Variants in ZFAT observed in about 807,000 individuals in gnomAD.
ZFAT encodes the protein zinc finger and AT-hook domain containing.
ZFAT carries 64 observed loss-of-function variants against 117.7 expected under a neutral mutation model. That is an observed-to-expected ratio of 0.54 (90% CI 0.44 to 0.67). The LOEUF (loss-of-function observed/expected upper bound fraction) is 0.67. ZFAT is among the 30% of genes least tolerant of loss of function. ZFAT has a pLI of 0.00. For missense variants in ZFAT, 1,433 were observed against 1,584.5 expected (o/e 0.90, Z 1.62); for synonymous variants, 679 against 615.0 (o/e 1.10, Z -1.54).
chr8:134,819,381 T>G, the ZFAT span, among the ~76,000 whole-genome samples: 1 of 152,072 alleles, frequency 6.6e-6, no homozygotes, highest in South Asian at 2.1e-4. Context: ...GTAATCACTT[T>G]TAATTCATGT....
chr8:134,705,729 G>C (rs2131364323), intron 1 of ZFAT, among the ~76,000 whole-genome samples: 1 of 151,316 alleles, frequency 6.6e-6, no homozygotes, highest in African/African-American at 2.4e-5. Flanking sequence ...AGTAGAGACA[G>C]GGTTTCACCA....
chr8:134,713,942 T>C (rs552169743), upstream of ZFAT, among the ~76,000 whole-genome samples: 16 of 152,282 alleles, frequency 1.1e-4, no homozygotes, highest in South Asian at 6.2e-4. Flanking sequence ...CTGACAGTTA[T>C]TTATTTCATG....
chr8:134,666,410 T>C (rs1832220906), intron 1 of ZFAT, among the ~76,000 whole-genome samples: 1 of 152,210 alleles, frequency 6.6e-6, no homozygotes, highest in Admixed American at 6.5e-5. Flanking sequence ...TTAAAAATCA[T>C]TCCTCGTGAT....
At chr8:134,802,894 T>C in the ZFAT span, among the ~76,000 whole-genome samples, 1 of 152,182 alleles carries the variant, frequency 6.6e-6, no homozygotes, top group Admixed American at 6.5e-5. Flanking sequence ...TTGCTAACCT[T>C]ATAGGCCAAT....
chr8:134,678,187 A>T (rs1026707566), intron 1 of ZFAT, among the ~76,000 whole-genome samples: 5 of 152,182 alleles, frequency 3.3e-5, no homozygotes, highest in Non-Finnish European at 5.9e-5. Context: ...ATGATTGTAT[A>T]TTTATAACCC....
intron 3 of ZFAT, among the ~76,000 whole-genome samples, chr8:134,631,438 C>T (rs985518109): frequency 6.6e-6 from 1 of 152,194 alleles, no homozygotes; most frequent in Non-Finnish European, 1.5e-5. Flanking sequence ...TCGGGAGACA[C>T]GGGCCCCAAC....
intron 1 of ZFAT, among the ~76,000 whole-genome samples, chr8:134,683,142 C>G (rs1833150458): frequency 6.6e-6 from 1 of 152,160 alleles, no homozygotes; most frequent in East Asian, 1.9e-4. Context: ...GTGAAATGAG[C>G]CCCCTTAGAA....
chr8:134,663,196 A>T (rs542619238), intron 1 of ZFAT, among the ~76,000 whole-genome samples: 1 of 152,362 alleles, frequency 6.6e-6, no homozygotes, highest in South Asian at 2.1e-4. Context: ...TCCCAGAAGC[A>T]ACCGAAGTGC....
chr8:134,586,702 C>T (rs1826092137), intron 9 of ZFAT, among the ~76,000 whole-genome samples: 1 of 152,218 alleles, frequency 6.6e-6, no homozygotes, highest in Admixed American at 6.5e-5. Flanking sequence ...AGAAACAACA[C>T]GTGTATATAC....
At chr8:134,783,053 G>A in the ZFAT span, among the ~76,000 whole-genome samples, 1 of 151,646 alleles carries the variant, frequency 6.6e-6, no homozygotes, top group East Asian at 1.9e-4. Context: ...TTTTCTTAAT[G>A]CATATACATC....
At chr8:134,573,239 T>G (rs989475262) in intron 10 of ZFAT, among the ~76,000 whole-genome samples, 2 of 152,110 alleles carry the variant, frequency 1.3e-5, no homozygotes, top group Non-Finnish European at 2.9e-5. Flanking sequence ...CATGTGTGCG[T>G]GTATGTGTGC....
chr8:134,558,979 A>C (rs1161233023), intron 11 of ZFAT, among the ~76,000 whole-genome samples: 1 of 152,220 alleles, frequency 6.6e-6, no homozygotes, highest in African/African-American at 2.4e-5. Context: ...GCCAAACAGA[A>C]TCTCAATGAA....
At chr8:134,819,944 A>G in the ZFAT span, among the ~76,000 whole-genome samples, 10 of 152,220 alleles carry the variant, frequency 6.6e-5, no homozygotes, top group Non-Finnish European at 7.3e-5. Context: ...AGTGAGAAGC[A>G]CACATAGACA....
intron 10 of ZFAT, among the ~76,000 whole-genome samples, chr8:134,567,936 C>G (rs571234882): frequency 2.0e-5 from 3 of 152,216 alleles, no homozygotes; most frequent in Non-Finnish European, 4.4e-5. Context: ...CATAGGCCCC[C>G]TACACACTGT....
rs774274181 is a variant in ZFAT at position 134,509,641 on chromosome 8, C to T, written c.3470G>A (p.Gly1157Glu). The T allele has an allele frequency of 6.2e-7, 1 of 1,612,580 alleles. No individual in the cohort carries two copies. Among genetic ancestry groups the T allele is most frequent in the Non-Finnish European group, 8.5e-7 (1 of 1,179,520 alleles). Reference sequence around the variant, plus strand: ...TACCTGCTTAACCACAGTCACCGTCCCTGGTGCCATGGCAACCACCGAGGC... The same window carrying T: ...TACCTGCTTAACCACAGTCACCGTCTCTGGTGCCATGGCAACCACCGAGGC... ...ALASVVAMAP[G>E]TVTVVKQVTE... Residue 1157 changes from glycine (G) to glutamate (E), a missense_variant, in exon 15 of 16, where the codon GGG (glycine) becomes GAG (glutamate). Transcript: ENST00000377838.
chr8:134,536,780 C>T (rs1821873974), intron 11 of ZFAT, among the ~76,000 whole-genome samples: 1 of 152,194 alleles, frequency 6.6e-6, no homozygotes, highest in Non-Finnish European at 1.5e-5. Flanking sequence ...ACTTAAATAT[C>T]AACTCCAAAG....
the ZFAT span, among the ~76,000 whole-genome samples, chr8:134,721,354 C>T: frequency 6.6e-6 from 1 of 152,206 alleles, no homozygotes; most frequent in Non-Finnish European, 1.5e-5. Context: ...CCAGCCTCTG[C>T]CTAGCCTCCA....
intron 10 of ZFAT, among the ~76,000 whole-genome samples, chr8:134,571,130 C>A (rs1442764010): frequency 2.0e-5 from 3 of 152,214 alleles, no homozygotes; most frequent in Non-Finnish European, 4.4e-5. Flanking sequence ...AAAGGCCCTG[C>A]CTCTGGCACT....
Position 134,688,619 on chromosome 8 carries a change from G to A in ZFAT, c.19+24226C>T, listed in dbSNP as rs1238757672. ...GAGTTTGAGCCACAGCAGGTGCTTGGAGGAGCTGTCAGGAGCCCTGGGAGG... is the reference window on the plus strand; with the variant it reads ...GAGTTTGAGCCACAGCAGGTGCTTGAAGGAGCTGTCAGGAGCCCTGGGAGG... On this transcript the variant is annotated intron_variant, in intron 1 of 15. Transcript: ENST00000377838. 2.0e-5 allele frequency among the ~76,000 whole-genome samples: 3 copies of A among 152,174 alleles called. No homozygotes were observed. In the East Asian group the frequency reaches 5.8e-4, roughly 29 times the overall value.
Sources: gnomAD v4.1 joint callset for allele counts (sites outside exome capture counted in the v4.1 genomes callset) on GRCh38, gnomAD v4.1.1 for gene constraint, MANE v1.5 for transcripts, NCBI Gene and HGNC (gene_info 2026-07-23, HGNC 2026-07-21) for gene names.